HLCS: variants seen among roughly 807,000 people sequenced by gnomAD.
The protein encoded by HLCS is biotin--protein ligase.
HLCS carries 53 observed loss-of-function variants against 75.0 expected under a neutral mutation model. The ratio of observed to expected loss-of-function variants is 0.71; its 90% CI spans 0.57 to 0.89. The LOEUF is 0.89. Ranked by LOEUF, HLCS falls within the 40% of genes least tolerant of loss-of-function variation. HLCS has a pLI of 0.00. For missense variants in HLCS, 966 were observed against 1,074.0 expected, an observed-to-expected ratio of 0.90 and a Z score of 1.41; for synonymous variants, 431 against 428.6, an observed-to-expected ratio of 1.01 and a Z score of -0.07.
At chr21:36,779,343 A>G (rs1307288453) in intron 6 of HLCS, among the ~76,000 whole-genome samples, 1 of 150,938 alleles carries the variant, frequency 6.6e-6, no homozygotes, top group East Asian at 1.9e-4. Context: ...TCCTTCCTCT[A>G]GATTCTCATC....
intron 6 of HLCS, among the ~76,000 whole-genome samples, chr21:36,783,292 G>A (rs2060587812): frequency 6.6e-6 from 1 of 152,146 alleles, no homozygotes; most frequent in African/African-American, 2.4e-5. Context: ...CAGAGCTTGG[G>A]TGTGTCCCAG....
chr21:36,984,537 G>A (rs2843961), intron 1 of HLCS, among the ~76,000 whole-genome samples: 97,106 of 152,006 alleles, frequency 0.64, 31,120 homozygotes, highest in South Asian at 0.69. Context: ...AGATTTCATC[G>A]TGCTGTTCCG....
At chr21:36,761,580 C>T (rs2089846724) in intron 8 of HLCS, among the ~76,000 whole-genome samples, 2 of 152,112 alleles carry the variant, frequency 1.3e-5, no homozygotes, top group African/African-American at 4.8e-5. Context: ...CTGGTTGTCA[C>T]AGCCTGAGGG....
rs1487390204 is a variant in HLCS at position 36,756,767 on chromosome 21, C to G, written c.2237-12G>C. The G allele has an allele frequency of 6.8e-6, 11 of 1,613,906 alleles. No individual in the cohort carries two copies. Among genetic ancestry groups the G allele is most frequent in the Non-Finnish European group, 9.3e-6 (11 of 1,180,004 alleles). ...ATTAAATCCACAGCCTGGACAAAAACAAACAATTGAGCAGCTCAGCCTGTT... is the reference window on the plus strand; with the variant it reads ...ATTAAATCCACAGCCTGGACAAAAAGAAACAATTGAGCAGCTCAGCCTGTT... On this transcript the variant is annotated splice_polypyrimidine_tract_variant and intron_variant, in intron 9 of 10. Transcript: ENST00000674895.
intron 6 of HLCS, among the ~76,000 whole-genome samples, chr21:36,809,262 C>G (rs2061442205): frequency 6.6e-6 from 1 of 152,016 alleles, no homozygotes; most frequent in Admixed American, 6.5e-5. Flanking sequence ...CTTTCAGTAC[C>G]TTGAAAATGT....
intron 5 of HLCS, among the ~76,000 whole-genome samples, chr21:36,914,669 G>A (rs1352803504): frequency 1.3e-5 from 2 of 152,206 alleles, no homozygotes; most frequent in Non-Finnish European, 2.9e-5. Flanking sequence ...CAGGCTCACT[G>A]TAGAAGCGGA....
Position 36,752,973 on chromosome 21 carries a change from A to T in HLCS, c.*1273T>A, listed in dbSNP as rs565500474. On this transcript the variant is annotated 3_prime_UTR_variant, in exon 11 of 11. Transcript: ENST00000674895. ...AAACTGGACAAAAATTGGCCTTTTA[A>T]AAAGCTGAAAAGTAATGAGTATGAT... 31 of 152,814 alleles carry T rather than the reference A, an allele frequency of 2.0e-4. No individual in the cohort carries two copies. In the East Asian group the frequency reaches 5.8e-3, roughly 28 times the overall value. The allele number at this position is 152,814 out of a possible 1,614,324, so 9.5% of individuals were successfully genotyped here.
intron 6 of HLCS, among the ~76,000 whole-genome samples, chr21:36,789,483 T>C (rs867108361): frequency 6.6e-6 from 1 of 152,242 alleles, no homozygotes. Flanking sequence ...ATTTTCCCTA[T>C]AATTTTGTTT....
At chr21:36,823,472 G>A (rs1601403629) in intron 6 of HLCS, among the ~76,000 whole-genome samples, 1 of 152,156 alleles carries the variant, frequency 6.6e-6, no homozygotes, top group South Asian at 2.1e-4. Flanking sequence ...CTAGAAACAC[G>A]AACTTGTTAA....
chr21:36,787,023 T>C (rs1011456167), intron 6 of HLCS, among the ~76,000 whole-genome samples: 1 of 151,980 alleles, frequency 6.6e-6, no homozygotes, highest in African/African-American at 2.4e-5. Context: ...AGAATGAAGC[T>C]GGCCTTCACA....
intron 5 of HLCS, among the ~76,000 whole-genome samples, chr21:36,928,450 G>C (rs150406113): frequency 2.5e-3 from 379 of 152,258 alleles, no homozygotes; most frequent in Non-Finnish European, 4.4e-3. Flanking sequence ...CACACCTGTA[G>C]TCCCAGCTAC....
chr21:36,812,353 G>A (rs2145965378), intron 6 of HLCS, among the ~76,000 whole-genome samples: 1 of 152,296 alleles, frequency 6.6e-6, no homozygotes, highest in East Asian at 1.9e-4. Flanking sequence ...CACAGAGTAT[G>A]TTAGCTAAAG....
chr21:36,876,714 G>T (rs1357409539), intron 6 of HLCS, among the ~76,000 whole-genome samples: 2 of 152,290 alleles, frequency 1.3e-5, no homozygotes, highest in Admixed American at 6.5e-5. Flanking sequence ...CTTGAAACAA[G>T]GTGAGTTTGG....
chr21:36,792,896 T>A (rs1246929153), intron 6 of HLCS, among the ~76,000 whole-genome samples: 2 of 152,156 alleles, frequency 1.3e-5, no homozygotes, highest in Admixed American at 6.5e-5. Context: ...GAGTGACTCA[T>A]GGTGAGGACA....
At chr21:36,985,059 A>C (rs1952955376) in intron 1 of HLCS, among the ~76,000 whole-genome samples, 1 of 152,146 alleles carries the variant, frequency 6.6e-6, no homozygotes, top group Non-Finnish European at 1.5e-5. Context: ...CTAGTACTTC[A>C]AGCTGTATTT....
At chr21:36,887,388 G>A (rs1215773410) in intron 6 of HLCS, among the ~76,000 whole-genome samples, 2 of 151,956 alleles carry the variant, frequency 1.3e-5, no homozygotes, top group African/African-American at 4.8e-5. Flanking sequence ...ATCACAAAAT[G>A]GTAAACATCA....
At chr21:36,863,015 C>T (rs2063434888) in intron 6 of HLCS, among the ~76,000 whole-genome samples, 1 of 150,274 alleles carries the variant, frequency 6.7e-6, no homozygotes, top group African/African-American at 2.5e-5. Flanking sequence ...CCTCCCACTT[C>T]AGCTTCCCGA....
intron 6 of HLCS, among the ~76,000 whole-genome samples, chr21:36,891,163 G>A (rs1304928579): frequency 1.3e-5 from 2 of 152,204 alleles, no homozygotes; most frequent in Non-Finnish European, 1.5e-5. Flanking sequence ...GAATGGGGAT[G>A]TAGCTTCTTT....
At chr21:36,883,322 G>T (rs866302794) in intron 6 of HLCS, among the ~76,000 whole-genome samples, 1 of 152,192 alleles carries the variant, frequency 6.6e-6, no homozygotes, top group African/African-American at 2.4e-5. Context: ...GGGAGAAAAA[G>T]AAATGGAAGA....
Sources: gnomAD v4.1 joint callset for allele counts (sites outside exome capture counted in the v4.1 genomes callset) on GRCh38, gnomAD v4.1.1 for gene constraint, MANE v1.5 for transcripts, NCBI Gene and HGNC (gene_info 2026-07-23, HGNC 2026-07-21) for gene names.